RIOX2: variants seen among roughly 807,000 people sequenced by gnomAD.
The protein encoded by RIOX2 is 60S ribosomal protein L27a histidine hydroxylase.
Under a neutral mutation model 51.2 loss-of-function variants are expected in RIOX2, and 43 were observed. That is an observed-to-expected ratio of 0.84 (90% confidence interval 0.66 to 1.08). RIOX2 has a LOEUF of 1.08. RIOX2 is among the 50% of genes least tolerant of loss of function. The pLI, the probability that RIOX2 is intolerant of heterozygous loss-of-function variation, is 0.00. For synonymous variants in RIOX2, 226 were observed against 218.5 expected, an observed-to-expected ratio of 1.03 and a Z score of -0.30; for missense variants, 566 against 561.7, an observed-to-expected ratio of 1.01 and a Z score of -0.08.
chr3:97,966,295 C>T (rs1363325485), intron 2 of RIOX2, among the ~76,000 whole-genome samples: 1 of 152,204 alleles, frequency 6.6e-6, no homozygotes, highest in Non-Finnish European at 1.5e-5. Flanking sequence ...CCCTCTCTTT[C>T]TCCTCCTATG....
chr3:97,945,430 T>C (rs1196348462), intron 9 of RIOX2, 88 bp from the exon 10 acceptor site: 2 of 1,215,782 alleles, frequency 1.6e-6, no homozygotes, highest in South Asian at 1.6e-5. Context: ...TCTCCATACA[T>C]CATTATTTTT....
Position 97,961,646 on chromosome 3 carries a change from ATT to A in RIOX2, c.493_494del (p.Asn165CysfsTer16). The A allele has an allele frequency of 6.2e-7, 1 of 1,612,974 alleles. No homozygotes were observed. Among genetic ancestry groups the A allele is most frequent in the South Asian group, 1.1e-5 (1 of 90,876 alleles). On this transcript the variant is annotated frameshift_variant, in exon 3 of 10. Coordinates refer to ENST00000394198, the MANE Select transcript of RIOX2 (RefSeq NM_153182.4). LOFTEE classifies it high-confidence loss of function. The part of the protein sequence containing the change: ...ECYFGSLVGS[N>X]VYITPAGSQG... ...GAGATCCTGCGGGAGTTATGTACAC[ATT>A]CGAGCCAACCAAGGAGCCAAAGTAA...
intron 6 of RIOX2, among the ~76,000 whole-genome samples, chr3:97,950,304 G>A (rs983566957): frequency 6.6e-6 from 1 of 152,140 alleles, no homozygotes; most frequent in Non-Finnish European, 1.5e-5. Flanking sequence ...TGGAAAGCAG[G>A]TCACTGTCCT....
Position 97,967,454 on chromosome 3 carries a change from G to A in RIOX2, c.140C>T (p.Ser47Leu), listed in dbSNP as rs772750910. The change falls in exon 2 of 10, where the codon TCG (serine) becomes TTG (leucine). Residue 47 changes from serine (S) to leucine (L), a missense_variant. Physicochemically the swap from Ser to Leu is moderately radical, Grantham distance 145. Transcript: ENST00000394198. ...GAAAAAAGTCTCTGTCTTGATGGGC[G>A]AGATTAAACTTTCAAAGAGACTACT... ...SPSSLFESLI[S>L]PIKTETFFKE... 16 of 1,614,042 alleles carry A rather than the reference G, an allele frequency of 9.9e-6. No individual in the cohort carries two copies. The highest frequency in any genetic ancestry group is 6.7e-5 in the Admixed American group (4 of 59,992).
At position 97,942,401 on chromosome 3, in the gene RIOX2, A is replaced by G; in HGVS notation, c.*2783T>C. The G allele has an allele frequency of 6.2e-7, 1 of 1,611,718 alleles. No homozygotes were observed. The highest frequency in any genetic ancestry group is 8.5e-7 in the Non-Finnish European group (1 of 1,178,406). On this transcript the variant is annotated 3_prime_UTR_variant, in exon 10 of 10. Transcript: ENST00000394198. ...GTGGAGACTGAATAAAAATGGAACT[A>G]TCAGCTCTTATCTCAGTGATCAACT...
intron 4 of RIOX2, 103 bp from the exon 5 acceptor site, chr3:97,954,598 T>G: frequency 4.2e-6 from 4 of 953,848 alleles, no homozygotes; most frequent in Middle Eastern, 3.0e-4. Context: ...CAGTTCTCCA[T>G]TCTAGAAACC....
Position 97,942,076 on chromosome 3 carries a change from G to T in RIOX2, c.*3108C>A, listed in dbSNP as rs1349376497. 2 of 363,728 alleles carry T rather than the reference G, an allele frequency of 5.5e-6. No individual in the cohort carries two copies. The highest frequency in any genetic ancestry group is 9.8e-6 in the Non-Finnish European group (2 of 204,570). The allele number at this position is 363,728 out of a possible 1,614,324, so 22.5% of individuals were successfully genotyped here. A position where few individuals can be genotyped will look rare whatever the true frequency, so the allele number is the denominator to read the frequency against. On this transcript the variant is annotated 3_prime_UTR_variant, in exon 10 of 10. Transcript: ENST00000394198. ...ATTAAAAACAAGTACCTCTATTTCA[G>T]TTGGTTTATTTCTGTACCATCTCCT...
chr3:97,958,961 A>C (rs781108086), intron 4 of RIOX2, 90 bp downstream of exon 4: 7 of 1,396,592 alleles, frequency 5.0e-6, no homozygotes, highest in Non-Finnish European at 6.7e-6. Flanking sequence ...CCATCACACG[A>C]ACTCTAAACC....
At chr3:97,949,062 A>G (rs767186253) in intron 7 of RIOX2, among the ~76,000 whole-genome samples, 8 of 152,034 alleles carry the variant, frequency 5.3e-5, no homozygotes, top group South Asian at 2.1e-4. Flanking sequence ...GATGGTAACA[A>G]TTTTACCCAT....
At chr3:97,959,271 T>C (rs995293585) in intron 3 of RIOX2, 92 bp from the exon 4 acceptor site, 65 of 1,142,784 alleles carry the variant, frequency 5.7e-5, no homozygotes, top group South Asian at 3.8e-4. Context: ...AAGGGGCTAA[T>C]AGACAAATAT....
intron 2 of RIOX2, among the ~76,000 whole-genome samples, chr3:97,965,468 T>C: frequency 6.7e-6 from 1 of 149,238 alleles, no homozygotes; most frequent in Non-Finnish European, 1.5e-5. Flanking sequence ...GCCGAGATCG[T>C]GCCACTGTAC....
In RIOX2 at chr3:97,959,148, T is replaced by C. The variant is rs145531728; in HGVS notation, c.584A>G (p.His195Arg). 2.2e-4 allele frequency: 351 copies of C among 1,614,050 alleles called. 3 individuals are homozygous for C. The African/African-American group carries it at 4.2e-3, about 19-fold the overall frequency. The change falls in exon 4 of 10, where the codon CAC becomes CGC. Residue 195 changes from histidine to arginine, a missense_variant. Physicochemically the swap from His to Arg is conservative, Grantham distance 29. Transcript: ENST00000394198. ...VFILQLEGEK[H>R]WRLYHPTVPL... The stretch of plus-strand genomic sequence containing the variant: ...CACAGTGGGGTGGTAGAGGCGCCAG[T>C]GTTTCTCTCCCTCCAGCTGCAGGAT...
chr3:97,952,464 C>T (rs1280137045), intron 5 of RIOX2, among the ~76,000 whole-genome samples: 2 of 152,186 alleles, frequency 1.3e-5, no homozygotes, highest in Non-Finnish European at 2.9e-5. Flanking sequence ...GAAGCAAAAG[C>T]TAACAGGGTC....
chr3:97,967,356 G>A lies in RIOX2; in HGVS notation c.238C>T (p.Leu80=). ...CTCTTCAGATCTGTTAGCTTGAACA[G>A]GGACCCATAGTATGTGGCCAGTGCA... ...DPALATYYGS[L]FKLTDLKSLC... Residue 80 remains leucine (L), a synonymous_variant, in exon 2 of 10, where the codon CTG becomes TTG. Transcript: ENST00000394198. The A allele has an allele frequency of 6.2e-7, 1 of 1,614,148 alleles. No homozygotes were observed.
chr3:97,965,848 A>T (rs1705872518), intron 2 of RIOX2, among the ~76,000 whole-genome samples: 2 of 152,254 alleles, frequency 1.3e-5, no homozygotes, highest in Non-Finnish European at 2.9e-5. Flanking sequence ...GGTTTCTAAA[A>T]ACCACTCTTA....
At chr3:97,950,536 C>T (rs1463121039) in intron 6 of RIOX2, among the ~76,000 whole-genome samples, 2 of 152,198 alleles carry the variant, frequency 1.3e-5, no homozygotes, top group Non-Finnish European at 2.9e-5. Context: ...ATTTACTCAA[C>T]CAACATTTTC....
intron 1 of RIOX2, among the ~76,000 whole-genome samples, chr3:97,969,328 G>T (rs1313797028): frequency 6.6e-6 from 1 of 152,204 alleles, no homozygotes; most frequent in African/African-American, 2.4e-5. Context: ...CTCCAGGAAA[G>T]AATTAAGGCT....
At chr3:97,964,483 G>A (rs1201356886) in intron 2 of RIOX2, among the ~76,000 whole-genome samples, 1 of 151,654 alleles carries the variant, frequency 6.6e-6, no homozygotes, top group Non-Finnish European at 1.5e-5. Context: ...AAGATCAGGA[G>A]TTCAAGGCCA....
intron 1 of RIOX2, among the ~76,000 whole-genome samples, chr3:97,970,593 T>C (rs557737113): frequency 6.6e-6 from 1 of 152,300 alleles, no homozygotes; most frequent in East Asian, 1.9e-4. Context: ...AAGACAATGC[T>C]TTGTCTAGAA....
Sources: allele counts gnomAD v4.1 joint callset (sites outside exome capture counted in the v4.1 genomes callset), GRCh38; gene constraint gnomAD v4.1.1; transcripts MANE v1.5; gene names NCBI Gene and HGNC (gene_info 2026-07-23, HGNC 2026-07-21).